Variants in GALNT18 observed in about 807,000 individuals in gnomAD.
GALNT18 encodes polypeptide N-acetylgalactosaminyltransferase 18, also known as GalNAc-transferase 18.
A neutral mutation model predicts 69.5 loss-of-function variants in GALNT18; 44 were observed. That is an observed-to-expected ratio of 0.63 (90% CI 0.50 to 0.81). The LOEUF (loss-of-function observed/expected upper bound fraction) is 0.81, where lower values mean the gene tolerates loss of function less well. Ranked by LOEUF, GALNT18 falls within the 40% of genes least tolerant of loss-of-function variation. GALNT18 has a pLI of 0.00. For synonymous variants in GALNT18, 364 were observed against 318.2 expected, an observed-to-expected ratio of 1.14 and a Z score of -1.53; for missense variants, 715 against 810.0, an observed-to-expected ratio of 0.88 and a Z score of 1.42.
chr11:11,282,277 A>C (rs1206582316), intron 10 of GALNT18, among the ~76,000 whole-genome samples: 1 of 152,188 alleles, frequency 6.6e-6, no homozygotes. Flanking sequence ...CCGTGGGAGC[A>C]GCCTCCTGTT....
intron 7 of GALNT18, among the ~76,000 whole-genome samples, chr11:11,334,353 G>T (rs904400649): frequency 6.6e-6 from 1 of 151,798 alleles, no homozygotes; most frequent in Non-Finnish European, 1.5e-5. Flanking sequence ...CCATCCTGCC[G>T]AACATGGTGA....
intron 10 of GALNT18, among the ~76,000 whole-genome samples, chr11:11,283,235 A>C (rs11603676): frequency 0.18 from 27,304 of 152,038 alleles, 2,533 homozygotes; most frequent in South Asian, 0.24. Context: ...GCTCAATGCA[A>C]TCCCAGGTTC....
intron 1 of GALNT18, among the ~76,000 whole-genome samples, chr11:11,581,899 A>G (rs1178970940): frequency 6.6e-6 from 1 of 152,076 alleles, no homozygotes; most frequent in East Asian, 1.9e-4. Flanking sequence ...CTAATTATTG[A>G]AAGTCCACCA....
chr11:11,402,469 G>A lies in GALNT18; in HGVS notation c.596-23205C>T, dbSNP rs1319666515. Among the ~76,000 whole-genome samples, 1 of 152,248 alleles carries A rather than the reference G, an allele frequency of 6.6e-6. No individual in the cohort carries two copies. The highest frequency in any genetic ancestry group is 6.5e-5 in the Admixed American group (1 of 15,288). On this transcript the variant is annotated intron_variant, in intron 3 of 10. Transcript: ENST00000227756. The surrounding 1 kb of genome is among the most constrained non-coding windows in gnomAD (Gnocchi z 4.0). ...CTCTGATCTGCTGCCATGCTGGGCA[G>A]AACTTTTCAGCAACAAAAAGCAAAA...
intron 10 of GALNT18, among the ~76,000 whole-genome samples, chr11:11,280,133 C>T (rs1849039379): frequency 6.6e-6 from 1 of 152,116 alleles, no homozygotes; most frequent in Non-Finnish European, 1.5e-5. Context: ...GTGCCCCACA[C>T]CCCAGGGCAC....
intron 6 of GALNT18, chr11:11,352,730 G>A (rs746758644): frequency 1.2e-6 from 2 of 1,614,128 alleles, no homozygotes; most frequent in Non-Finnish European, 1.7e-6. Flanking sequence ...GAATATCATA[G>A]TCTGTTAACG....
chr11:11,570,848 A>G (rs1858777939), intron 1 of GALNT18, among the ~76,000 whole-genome samples: 1 of 152,208 alleles, frequency 6.6e-6, no homozygotes, highest in African/African-American at 2.4e-5. Flanking sequence ...ATGAACAGGT[A>G]ATTTACTTGC....
rs12417023 is a variant in GALNT18 at position 11,587,375 on chromosome 11, T to C, written c.235+33984A>G. 0.14 allele frequency among the ~76,000 whole-genome samples: 21,664 copies of C among 152,252 alleles called. 1,973 individuals are homozygous for C. Among genetic ancestry groups the C allele is most frequent in the Middle Eastern group, 0.2 (60 of 294 alleles). On this transcript the variant is annotated intron_variant, in intron 1 of 10. Transcript: ENST00000227756. The surrounding 1 kb of genome is among the most constrained non-coding windows in gnomAD (Gnocchi z 4.4). ...TCCCATGTCAGTACGCCACGTATGCTGACCCCATCAGCAAAGCAGGCTTCC... is the reference window on the plus strand; with the variant it reads ...TCCCATGTCAGTACGCCACGTATGCCGACCCCATCAGCAAAGCAGGCTTCC...
intron 10 of GALNT18, among the ~76,000 whole-genome samples, chr11:11,287,860 A>G (rs1318214824): frequency 3.9e-5 from 6 of 152,132 alleles, no homozygotes; most frequent in Non-Finnish European, 8.8e-5. Flanking sequence ...CAGGGCTGGC[A>G]ATGGTCCTGT....
intron 9 of GALNT18, among the ~76,000 whole-genome samples, chr11:11,308,988 G>A (rs1849626404): frequency 6.6e-6 from 1 of 152,188 alleles, no homozygotes; most frequent in African/African-American, 2.4e-5. Flanking sequence ...TCACCTTGCT[G>A]TGGTTTGACT....
chr11:11,491,649 A>G (rs1377181212), intron 1 of GALNT18, among the ~76,000 whole-genome samples: 1 of 152,132 alleles, frequency 6.6e-6, no homozygotes, highest in African/African-American at 2.4e-5. Flanking sequence ...CTTGCCAGGC[A>G]TTTTTCTGAT....
intron 1 of GALNT18, among the ~76,000 whole-genome samples, chr11:11,558,541 G>A (rs1176183962): frequency 1.3e-5 from 2 of 152,236 alleles, no homozygotes; most frequent in Non-Finnish European, 2.9e-5. Context: ...AGCTGCACAG[G>A]AATAGCCCTG....
intron 10 of GALNT18, among the ~76,000 whole-genome samples, chr11:11,289,910 G>GAACACAGAAAGGCTGAGGC (rs532095393): frequency 1.4e-3 from 209 of 152,324 alleles, no homozygotes; most frequent in African/African-American, 4.7e-3. Context: ...GTATAAGGCT[G>GAACACAGAAAGGCTGAGGC]AACACAGAAA....
rs1227156050 is a variant in GALNT18, at chr11:11,619,215, G to C, written c.235+2144C>G. ...CTATAGGTGGCAGCTTTGGCCCTCT[G>C]TCGAGATTGTGGTTATTTCTGAATA... On this transcript the variant is annotated intron_variant, in intron 1 of 10. Transcript: ENST00000227756. The surrounding 1 kb of genome is among the most constrained non-coding windows in gnomAD (Gnocchi z 4.9). Among the ~76,000 whole-genome samples, 1 of 152,102 alleles carries C rather than the reference G, an allele frequency of 6.6e-6. No individual in the cohort carries two copies. The highest frequency in any genetic ancestry group is 1.9e-4 in the East Asian group (1 of 5,198).
chr11:11,565,478 T>G (rs1858624063), intron 1 of GALNT18, among the ~76,000 whole-genome samples: 1 of 152,128 alleles, frequency 6.6e-6, no homozygotes, highest in Admixed American at 6.5e-5. Flanking sequence ...CTAAGGCCTC[T>G]AAGCATGAGG....
chr11:11,382,161 T>C lies in GALNT18; in HGVS notation c.596-2897A>G, dbSNP rs1483282588. ...GTAGAAAAATTCCATCCCCAGTTAG[T>C]TGCATCCCAAACATGTGCTGCTGAT... On this transcript the variant is annotated intron_variant, in intron 3 of 10. Transcript: ENST00000227756. The surrounding 1 kb of genome is among the most constrained non-coding windows in gnomAD (Gnocchi z 4.3). 1.3e-5 allele frequency among the ~76,000 whole-genome samples: 2 copies of C among 152,306 alleles called. No individual in the cohort carries two copies. The highest frequency in any genetic ancestry group is 4.8e-5 in the African/African-American group (2 of 41,552).
intron 3 of GALNT18, among the ~76,000 whole-genome samples, chr11:11,401,130 T>C (rs1028810431): frequency 6.6e-6 from 1 of 152,132 alleles, no homozygotes; most frequent in African/African-American, 2.4e-5. Flanking sequence ...AGGGTCTCCA[T>C]CTGACCCACT....
chr11:11,338,668 A>C lies in GALNT18; in HGVS notation c.1278+2151T>G, dbSNP rs1850153367. On this transcript the variant is annotated intron_variant, in intron 7 of 10. Transcript: ENST00000227756. This position sits in a 1 kb window ranked among gnomAD's most constrained non-coding sequence, Gnocchi z 5.3. ...GAGGAGATGTCCAGCTGGCAGTTGG[A>C]GATGTGAGTCTGAAAGTGAAGGCAG... is the stretch of plus-strand genomic sequence containing the variant. Among the ~76,000 whole-genome samples, 1 of 152,130 alleles carries C rather than the reference A, an allele frequency of 6.6e-6. No individual in the cohort carries two copies. Among genetic ancestry groups the C allele is most frequent in the Non-Finnish European group, 1.5e-5 (1 of 68,020 alleles).
chr11:11,277,713 T>A (rs1210246890), intron 10 of GALNT18, among the ~76,000 whole-genome samples: 1 of 152,322 alleles, frequency 6.6e-6, no homozygotes, highest in South Asian at 2.1e-4. Flanking sequence ...TTTGTTCTCA[T>A]TGGTTTCAAA....
Sources: allele counts gnomAD v4.1 joint callset (sites outside exome capture counted in the v4.1 genomes callset), GRCh38; gene constraint gnomAD v4.1.1; non-coding constraint Gnocchi (gnomAD v3.1); transcripts MANE v1.5; gene names NCBI Gene and HGNC (gene_info 2026-07-23, HGNC 2026-07-21).